Variants in SLC39A11 observed in about 807,000 individuals in gnomAD.
The protein encoded by SLC39A11 is solute carrier family 39 member 11.
A neutral mutation model predicts 36.1 loss-of-function variants in SLC39A11; 33 were observed. The observed-to-expected ratio is 0.91, with a 90% CI of 0.69 to 1.22. SLC39A11 has a LOEUF of 1.22. Among genes scored for constraint, SLC39A11 ranks in the 50% most tolerant of loss-of-function variants. SLC39A11 has a pLI of 0.00. For synonymous variants in SLC39A11, 166 were observed against 170.3 expected, an observed-to-expected ratio of 0.97 and a Z score of 0.20; for missense variants, 432 against 430.3, an observed-to-expected ratio of 1.00 and a Z score of -0.03.
intron 5 of SLC39A11, among the ~76,000 whole-genome samples, chr17:72,855,049 C>A (rs900958442): frequency 1.3e-5 from 2 of 152,226 alleles, no homozygotes; most frequent in African/African-American, 4.8e-5. Flanking sequence ...TTCCTCCCTG[C>A]AGAGTGGAAG....
intron 4 of SLC39A11, among the ~76,000 whole-genome samples, chr17:73,028,599 A>G (rs1464146654): frequency 6.6e-6 from 1 of 152,118 alleles, no homozygotes; most frequent in Admixed American, 6.5e-5. Flanking sequence ...TAAATCTCCT[A>G]GAACAGATGT....
At chr17:73,064,418 C>A (rs1317661229) in intron 3 of SLC39A11, among the ~76,000 whole-genome samples, 1 of 152,138 alleles carries the variant, frequency 6.6e-6, no homozygotes, top group Admixed American at 6.5e-5. Flanking sequence ...TATCCTCCCA[C>A]CATTTGCACA....
At chr17:72,995,139 G>T (rs1305522666) in intron 4 of SLC39A11, among the ~76,000 whole-genome samples, 1 of 152,172 alleles carries the variant, frequency 6.6e-6, no homozygotes, top group Non-Finnish European at 1.5e-5. Flanking sequence ...TTGAATGACT[G>T]GCCCCAGTTC....
At chr17:72,994,329 T>C (rs934774584) in intron 4 of SLC39A11, among the ~76,000 whole-genome samples, 1 of 152,284 alleles carries the variant, frequency 6.6e-6, no homozygotes, top group East Asian at 1.9e-4. Flanking sequence ...ACAACTAATA[T>C]ATATAGAATG....
At chr17:72,662,806 AAGAAAGAGAGAAAGAAAG>A (rs1045708173) in intron 7 of SLC39A11, among the ~76,000 whole-genome samples, 4 of 152,008 alleles carry the variant, frequency 2.6e-5, no homozygotes, top group Non-Finnish European at 4.4e-5. Flanking sequence ...GAAGAAAGAG[AAGAAAGAGAGAAAGAAAG>A]AGAAAGAGAG....
chr17:72,793,693 G>C (rs1412031128), intron 6 of SLC39A11, among the ~76,000 whole-genome samples: 1 of 152,180 alleles, frequency 6.6e-6, no homozygotes, highest in Non-Finnish European at 1.5e-5. Context: ...GCCTCCCAAA[G>C]TGTTGGGATT....
At chr17:72,851,884 A>G (rs1029582318) in intron 5 of SLC39A11, among the ~76,000 whole-genome samples, 5 of 152,188 alleles carry the variant, frequency 3.3e-5, no homozygotes, top group African/African-American at 1.2e-4. Context: ...ATTTAAAAAC[A>G]TTAGAAGAAA....
intron 6 of SLC39A11, 88 bp from the exon 7 acceptor site, chr17:72,736,807 T>G (rs1313507603): frequency 1.9e-6 from 2 of 1,036,780 alleles, no homozygotes; most frequent in African/African-American, 3.1e-5. Flanking sequence ...TAAGTAGGAC[T>G]GCATGAGGCT....
intron 5 of SLC39A11, among the ~76,000 whole-genome samples, chr17:72,925,220 T>C (rs2083971560): frequency 6.6e-6 from 1 of 152,118 alleles, no homozygotes; most frequent in African/African-American, 2.4e-5. Flanking sequence ...AGGTCACTTA[T>C]TTTGGTTCAC....
intron 3 of SLC39A11, among the ~76,000 whole-genome samples, chr17:73,059,306 C>T (rs2059766385): frequency 6.6e-6 from 1 of 152,114 alleles, no homozygotes; most frequent in Admixed American, 6.6e-5. Context: ...TGTTTTACTT[C>T]TTATGTTTTC....
intron 3 of SLC39A11, among the ~76,000 whole-genome samples, chr17:73,077,953 G>C (rs2060378506): frequency 6.6e-6 from 1 of 152,102 alleles, no homozygotes; most frequent in South Asian, 2.1e-4. Flanking sequence ...ATCTAAAAGA[G>C]TAACCTAGGG....
intron 7 of SLC39A11, among the ~76,000 whole-genome samples, chr17:72,688,548 T>C (rs556389331): frequency 1.8e-4 from 27 of 152,298 alleles, no homozygotes; most frequent in Non-Finnish European, 3.5e-4. Context: ...CAGTGGCTGC[T>C]CCCCATGTGT....
At chr17:72,956,934 C>T (rs998995471) in intron 4 of SLC39A11, among the ~76,000 whole-genome samples, 2 of 152,180 alleles carry the variant, frequency 1.3e-5, no homozygotes, top group Non-Finnish European at 2.9e-5. Context: ...CATGGCTGCT[C>T]ATCCACCTGG....
intron 6 of SLC39A11, among the ~76,000 whole-genome samples, chr17:72,838,644 C>T (rs1001395720): frequency 2.6e-5 from 4 of 152,160 alleles, no homozygotes; most frequent in African/African-American, 7.2e-5. Flanking sequence ...GACAGACCTC[C>T]TAACTACCAG....
chr17:72,898,833 C>A (rs2082164430), intron 5 of SLC39A11, among the ~76,000 whole-genome samples: 1 of 152,212 alleles, frequency 6.6e-6, no homozygotes, highest in East Asian at 1.9e-4. Context: ...CCCACGTCTC[C>A]TGACTTCAGA....
At chr17:72,773,680 C>CACACAG (rs879349280) in intron 6 of SLC39A11, among the ~76,000 whole-genome samples, 2 of 150,030 alleles carry the variant, frequency 1.3e-5, no homozygotes. Flanking sequence ...CACACACACC[C>CACACAG]AGTATATAAA....
At position 72,677,233 on chromosome 17, in the gene SLC39A11, G is replaced by A. The variant is rs1457083173; in HGVS notation, c.672-27965C>T. Among the ~76,000 whole-genome samples the A allele has an allele frequency of 3.3e-5, 5 of 152,326 alleles. No individual in the cohort carries two copies. In the East Asian group the frequency reaches 7.7e-4, roughly 23 times the overall value. ...CATTCCTGACCCTAGTGGGGTGGGA[G>A]TTGCAGGGCTGGGGTTGGAAGAGGC... On this transcript the variant is annotated intron_variant, in intron 7 of 9. Transcript: ENST00000255559.
At chr17:72,653,188 T>G (rs2069936426) in intron 7 of SLC39A11, among the ~76,000 whole-genome samples, 1 of 150,414 alleles carries the variant, frequency 6.6e-6, no homozygotes, top group Admixed American at 6.7e-5. Flanking sequence ...CACTGCAGCC[T>G]TCACCTCTGG....
At chr17:72,803,095 G>A (rs2077148338) in intron 6 of SLC39A11, among the ~76,000 whole-genome samples, 1 of 152,238 alleles carries the variant, frequency 6.6e-6, no homozygotes, top group Non-Finnish European at 1.5e-5. Flanking sequence ...ACGGGATTTG[G>A]TTTCCCAAAT....
Sources: allele counts gnomAD v4.1 joint callset (sites outside exome capture counted in the v4.1 genomes callset), GRCh38; gene constraint gnomAD v4.1.1; transcripts MANE v1.5; gene names NCBI Gene and HGNC (gene_info 2026-07-23, HGNC 2026-07-21).